The following YWHAQ variants were observed in gnomAD, a reference collection of about 807,000 sequenced individuals.
YWHAQ encodes tyrosine 3-monooxygenase/tryptophan 5-monooxygenase activation protein theta.
Under a neutral mutation model 28.3 loss-of-function variants are expected in YWHAQ, and 6 were observed. The ratio of observed to expected loss-of-function variants is 0.21; its 90% CI spans 0.12 to 0.42. YWHAQ has a LOEUF of 0.42. Ranked by LOEUF, YWHAQ falls within the 10% of genes least tolerant of loss-of-function variation. The pLI, the probability that YWHAQ is intolerant of heterozygous loss-of-function variation, is 1.00. For synonymous variants in YWHAQ, 143 were observed against 119.1 expected, an observed-to-expected ratio of 1.20 and a Z score of -1.31; for missense variants, 201 against 305.6, an observed-to-expected ratio of 0.66 and a Z score of 2.55.
intron 2 of YWHAQ, among the ~76,000 whole-genome samples, chr2:9,608,651 G>T (rs560219031): frequency 6.6e-6 from 1 of 152,120 alleles, no homozygotes; most frequent in African/African-American, 2.4e-5. Flanking sequence ...CAACATCCAC[G>T]CTATTAAAAA....
intron 2 of YWHAQ, among the ~76,000 whole-genome samples, chr2:9,611,933 C>T (rs112697155): frequency 5.9e-5 from 9 of 152,156 alleles, no homozygotes; most frequent in African/African-American, 1.2e-4. Context: ...CCTCCCAAAG[C>T]GCTGGAATTA....
chr2:9,608,371 G>A (rs1450440196), intron 2 of YWHAQ, among the ~76,000 whole-genome samples: 7 of 152,172 alleles, frequency 4.6e-5, no homozygotes, highest in Non-Finnish European at 1.0e-4. Flanking sequence ...GAGGACCCTA[G>A]AAAAACTTTG....
chr2:9,585,563 T>A (rs1472191071), intron 5 of YWHAQ, among the ~76,000 whole-genome samples: 1 of 151,810 alleles, frequency 6.6e-6, no homozygotes, highest in African/African-American at 2.4e-5. Flanking sequence ...ATGACATACA[T>A]ACATACATAC....
intron 2 of YWHAQ, among the ~76,000 whole-genome samples, chr2:9,602,903 A>ATATAT (rs1666744884): frequency 3.0e-4 from 33 of 111,110 alleles, no homozygotes; most frequent in South Asian, 1.7e-3. Context: ...ATATATATAT[A>ATATAT]GTAGGGACAC....
intron 2 of YWHAQ, among the ~76,000 whole-genome samples, chr2:9,597,932 G>A (rs1666607869): frequency 6.8e-6 from 1 of 146,048 alleles, no homozygotes. Context: ...CAATTCTCCT[G>A]CCTCAGCCTC....
chr2:9,624,362 AG>A (rs1460245086), intron 2 of YWHAQ, among the ~76,000 whole-genome samples: 1 of 152,210 alleles, frequency 6.6e-6, no homozygotes, highest in Non-Finnish European at 1.5e-5. Flanking sequence ...AATAATGACA[AG>A]GGGAAAAATG....
intron 4 of YWHAQ, among the ~76,000 whole-genome samples, chr2:9,587,899 T>C (rs947781367): frequency 6.6e-6 from 1 of 152,192 alleles, no homozygotes; most frequent in African/African-American, 2.4e-5. Context: ...TTCTAATCTT[T>C]TATGTTTCCT....
intron 2 of YWHAQ, among the ~76,000 whole-genome samples, chr2:9,614,957 A>G (rs1215340035): frequency 6.6e-6 from 1 of 152,210 alleles, no homozygotes; most frequent in African/African-American, 2.4e-5. Flanking sequence ...AACTAAACTT[A>G]TATGAGTTAC....
In YWHAQ at chr2:9,630,919, G is replaced by C. The variant is rs1266619788; in HGVS notation, c.-83+22C>G. 6.5e-6 allele frequency: 1 copy of C among 152,782 alleles called. No individual in the cohort carries two copies. Among genetic ancestry groups the C allele is most frequent in the South Asian group, 2.1e-4 (1 of 4,838 alleles). The allele number at this position is 152,782 out of a possible 1,614,324, so 9.5% of individuals were successfully genotyped here. ...ATCCGAGCGCGGCCGGAGGAAGCCC[G>C]CGGGCCGACCCAGGCGCTCACCTTC... On this transcript the variant is annotated intron_variant, in intron 1 of 5. Transcript: ENST00000238081. This position sits in a 1 kb window ranked among gnomAD's most constrained non-coding sequence, Gnocchi z 5.6.
In YWHAQ at chr2:9,588,307, C is replaced by T. The variant is rs1052123960; in HGVS notation, c.440G>A (p.Gly147Glu). ...DRKQTIDNSQ[G>E]AYQEAFDISK... Reference sequence around the variant, plus strand: ...TATATCAAATGCCTCTTGGTAAGCTCCTTGGGAATTATCTATCGTTTCTGT... The same window carrying T: ...TATATCAAATGCCTCTTGGTAAGCTTCTTGGGAATTATCTATCGTTTCTGT... Residue 147 changes from glycine (G) to glutamate (E), a missense_variant, in exon 4 of 6, where the codon GGA (glycine) becomes GAA (glutamate). This residue lies in a region of YWHAQ where 162 missense variants were observed against 213.9 expected (regional missense o/e 0.76). Transcript: ENST00000238081. The T allele has an allele frequency of 1.5e-5, 24 of 1,608,228 alleles. No homozygotes were observed. Among genetic ancestry groups the T allele is most frequent in the Non-Finnish European group, 2.0e-5 (23 of 1,178,686 alleles).
intron 2 of YWHAQ, among the ~76,000 whole-genome samples, chr2:9,617,651 A>T (rs1263071555): frequency 1.3e-5 from 2 of 152,278 alleles, no homozygotes; most frequent in East Asian, 1.9e-4. Flanking sequence ...AGTTTTATTT[A>T]AAAAAGGTTA....
At chr2:9,601,569 A>G (rs961068305) in intron 2 of YWHAQ, among the ~76,000 whole-genome samples, 6 of 152,240 alleles carry the variant, frequency 3.9e-5, no homozygotes, top group African/African-American at 1.2e-4. Flanking sequence ...CGTTCATATA[A>G]AAGGTAATAA....
chr2:9,601,326 G>A (rs1202662854), intron 2 of YWHAQ, among the ~76,000 whole-genome samples: 1 of 152,052 alleles, frequency 6.6e-6, no homozygotes, highest in Non-Finnish European at 1.5e-5. Context: ...GCTGGGTGTG[G>A]TGGCGCACGC....
chr2:9,601,598 C>A (rs2125066270), intron 2 of YWHAQ, among the ~76,000 whole-genome samples: 1 of 152,326 alleles, frequency 6.6e-6, no homozygotes, highest in East Asian at 1.9e-4. Context: ...TAGGCATACA[C>A]TGAGAACCAC....
At position 9,602,985 on chromosome 2, in the gene YWHAQ, A is replaced by G. The variant is rs945688033; in HGVS notation, c.295-11470T>C. On this transcript the variant is annotated intron_variant, in intron 2 of 5. Coordinates refer to ENST00000238081, the MANE Select transcript of YWHAQ (RefSeq NM_006826.4). ...TGATCCTCCTGCTTCGGCCTCCCCA[A>G]GTGTTGAACTTACAGGCATAAGCCA... 7.6e-5 allele frequency among the ~76,000 whole-genome samples: 11 copies of G among 145,488 alleles called. No homozygotes were observed. The South Asian group carries it at 1.8e-3, about 24-fold the overall frequency.
chr2:9,586,077 C>T (rs1386150354), intron 5 of YWHAQ, among the ~76,000 whole-genome samples: 1 of 152,086 alleles, frequency 6.6e-6, no homozygotes, highest in Non-Finnish European at 1.5e-5. Context: ...GAGGAAAAAG[C>T]CACAATCATG....
intron 4 of YWHAQ, 137 bp downstream of exon 4, chr2:9,588,028 G>T: frequency 9.1e-7 from 1 of 1,094,412 alleles, no homozygotes; most frequent in Non-Finnish European, 1.3e-6. Flanking sequence ...ATCATGATGG[G>T]AAGAAAAAGA....
At chr2:9,591,156 T>C (rs1666447207) in intron 3 of YWHAQ, among the ~76,000 whole-genome samples, 1 of 152,218 alleles carries the variant, frequency 6.6e-6, no homozygotes, top group Non-Finnish European at 1.5e-5. Context: ...TTTTAAATAA[T>C]ACCATATGAG....
At chr2:9,628,165 A>AT (rs147237789) in intron 2 of YWHAQ, among the ~76,000 whole-genome samples, 3,337 of 152,258 alleles carry the variant, frequency 0.022, 133 homozygotes, top group African/African-American at 0.075. Flanking sequence ...TTCCCAAGAT[A>AT]TTTTTTATAG....
Sources: gnomAD v4.1 joint callset for allele counts (sites outside exome capture counted in the v4.1 genomes callset) on GRCh38, gnomAD v4.1.1 for gene constraint, gnomAD v4.1.1 regional missense constraint, Gnocchi (gnomAD v3.1) non-coding constraint, MANE v1.5 for transcripts, NCBI Gene and HGNC (gene_info 2026-07-23, HGNC 2026-07-21) for gene names.